ASAP1: variants seen among roughly 807,000 people sequenced by gnomAD.
The protein encoded by ASAP1 is ArfGAP with SH3 domain, ankyrin repeat and PH domain 1.
Under a neutral mutation model 145.2 loss-of-function variants are expected in ASAP1, and 43 were observed. That is an observed-to-expected ratio of 0.30 (90% CI 0.23 to 0.38). ASAP1 has a LOEUF of 0.38. Among genes scored for constraint, ASAP1 ranks in the 10% least tolerant of loss-of-function variants. The pLI is 1.00. For synonymous variants in ASAP1, 546 were observed against 515.5 expected, an observed-to-expected ratio of 1.06 and a Z score of -0.80; for missense variants, 1,018 against 1,355.3, an observed-to-expected ratio of 0.75 and a Z score of 3.91.
chr8:130,254,248 A>G (rs1489028458), intron 3 of ASAP1, among the ~76,000 whole-genome samples: 1 of 152,236 alleles, frequency 6.6e-6, no homozygotes, highest in Non-Finnish European at 1.5e-5. Flanking sequence ...TTTCTTTTTA[A>G]ATATATTTTA....
intron 2 of ASAP1, among the ~76,000 whole-genome samples, chr8:130,386,519 C>T (rs930313483): frequency 6.6e-6 from 1 of 152,218 alleles, no homozygotes; most frequent in African/African-American, 2.4e-5. Flanking sequence ...CAGGGCTAAG[C>T]GCTGCGCTCT....
At chr8:130,277,820 A>G (rs916730114) in intron 3 of ASAP1, among the ~76,000 whole-genome samples, 1 of 152,218 alleles carries the variant, frequency 6.6e-6, no homozygotes, top group African/African-American at 2.4e-5. Flanking sequence ...TCTGTTGACG[A>G]AGGGCTGTAG....
chr8:130,159,230 C>T (rs1035471353), intron 12 of ASAP1, among the ~76,000 whole-genome samples: 5 of 152,014 alleles, frequency 3.3e-5, no homozygotes, highest in South Asian at 2.1e-4. Flanking sequence ...AGAGCTTTTG[C>T]CAGATTGGCT....
intron 11 of ASAP1, among the ~76,000 whole-genome samples, chr8:130,161,318 C>T (rs77550398): frequency 0.026 from 4,025 of 152,124 alleles, 64 homozygotes; most frequent in African/African-American, 0.042. Flanking sequence ...GACTTGTGTA[C>T]GAAATACCTT....
chr8:130,073,168 T>C (rs1324831515), intron 27 of ASAP1, among the ~76,000 whole-genome samples: 1 of 151,590 alleles, frequency 6.6e-6, no homozygotes, highest in Admixed American at 6.6e-5. Flanking sequence ...GGCGGGGGGA[T>C]CACCTGAGGT....
intron 13 of ASAP1, among the ~76,000 whole-genome samples, chr8:130,146,426 C>T (rs1180957826): frequency 6.6e-6 from 1 of 152,064 alleles, no homozygotes. Context: ...AATTTGTGAG[C>T]CTGGGTTTAA....
At chr8:130,352,219 T>G (rs1012135762) in intron 3 of ASAP1, among the ~76,000 whole-genome samples, 1 of 151,158 alleles carries the variant, frequency 6.6e-6, no homozygotes, top group African/African-American at 2.4e-5. Flanking sequence ...AGGGTTTTTT[T>G]TTTTTTTTTT....
chr8:130,058,366 T>C (rs1028287603), intron 28 of ASAP1, among the ~76,000 whole-genome samples: 5 of 152,294 alleles, frequency 3.3e-5, no homozygotes, highest in East Asian at 3.9e-4. Context: ...GGGATCAAAA[T>C]TGAGCTTCAC....
intron 27 of ASAP1, among the ~76,000 whole-genome samples, chr8:130,063,002 G>C (rs2097422641): frequency 6.6e-6 from 1 of 151,854 alleles, no homozygotes; most frequent in Non-Finnish European, 1.5e-5. Context: ...ATGATATGTA[G>C]CCAATAAAAA....
intron 1 of ASAP1, among the ~76,000 whole-genome samples, chr8:130,426,816 T>C (rs1381605992): frequency 6.6e-6 from 1 of 152,092 alleles, no homozygotes; most frequent in Non-Finnish European, 1.5e-5. Context: ...CAGCCTCCTC[T>C]CCAGATGATT....
intron 3 of ASAP1, among the ~76,000 whole-genome samples, chr8:130,238,811 A>C (rs1458832753): frequency 6.6e-6 from 1 of 152,036 alleles, no homozygotes; most frequent in East Asian, 1.9e-4. Flanking sequence ...CACATTCTAC[A>C]CTTATATCTA....
chr8:130,405,099 T>C (rs1828965733), intron 1 of ASAP1, among the ~76,000 whole-genome samples: 1 of 152,090 alleles, frequency 6.6e-6, no homozygotes, highest in Admixed American at 6.6e-5. Flanking sequence ...CAGAAAAAAC[T>C]GCCTAATTCA....
At chr8:130,081,381 G>A (rs571493768) in intron 25 of ASAP1, among the ~76,000 whole-genome samples, 17 of 152,220 alleles carry the variant, frequency 1.1e-4, no homozygotes, top group African/African-American at 2.2e-4. Context: ...AGGATTCCCC[G>A]GGACCCTGCA....
Position 130,358,218 on chromosome 8 carries a change from C to G in ASAP1, c.60-75G>C, listed in dbSNP as rs1238243380. 1.8e-5 allele frequency: 24 copies of G among 1,362,996 alleles called. No homozygotes were observed. The highest frequency in any genetic ancestry group is 2.0e-5 in the Non-Finnish European group (21 of 1,028,332). 84.4% of individuals were successfully genotyped at this position (1,362,996 alleles called of 1,614,324 possible). On this transcript the variant is annotated intron_variant, in intron 2 of 29. Coordinates refer to ENST00000518721, the MANE Select transcript of ASAP1 (RefSeq NM_018482.4). This position sits in a 1 kb window ranked among gnomAD's most constrained non-coding sequence, Gnocchi z 4.1. ...CAGGCTCCCGGGGCCGCGGGCCGCC[C>G]GGAGGCTCATGAACCCCGGCGCGCA...
chr8:130,320,875 A>G (rs1444661717), intron 3 of ASAP1, among the ~76,000 whole-genome samples: 1 of 152,216 alleles, frequency 6.6e-6, no homozygotes, highest in Non-Finnish European at 1.5e-5. Context: ...TTACTTTGCC[A>G]AAGAGTGCAA....
intron 3 of ASAP1, among the ~76,000 whole-genome samples, chr8:130,292,251 G>T (rs1442296779): frequency 6.6e-6 from 1 of 152,140 alleles, no homozygotes; most frequent in Admixed American, 6.5e-5. Flanking sequence ...CAGACAATGG[G>T]GCTACAATGG....
intron 3 of ASAP1, among the ~76,000 whole-genome samples, chr8:130,276,758 T>C (rs545509281): frequency 5.6e-4 from 82 of 147,128 alleles, no homozygotes; most frequent in African/African-American, 8.3e-4. Context: ...TCTCTCTCTC[T>C]CTCCTCTAAC....
chr8:130,345,254 A>C (rs1398481226), intron 3 of ASAP1, among the ~76,000 whole-genome samples: 1 of 152,196 alleles, frequency 6.6e-6, no homozygotes, highest in Admixed American at 6.5e-5. Context: ...TACCATCCAT[A>C]AAGAAAAATC....
intron 24 of ASAP1, among the ~76,000 whole-genome samples, chr8:130,098,364 T>C (rs1592793374): frequency 6.6e-6 from 1 of 152,146 alleles, no homozygotes; most frequent in Non-Finnish European, 1.5e-5. Context: ...TTTTTTGAGA[T>C]GAAGTTTTGC....
Sources: gnomAD v4.1 joint callset for allele counts (sites outside exome capture counted in the v4.1 genomes callset) on GRCh38, gnomAD v4.1.1 for gene constraint, Gnocchi (gnomAD v3.1) non-coding constraint, MANE v1.5 for transcripts, NCBI Gene and HGNC (gene_info 2026-07-23, HGNC 2026-07-21) for gene names.